SUGCT: variants seen among roughly 807,000 people sequenced by gnomAD.
SUGCT encodes succinyl-CoA:glutarate-CoA transferase.
A neutral mutation model predicts 55.0 loss-of-function variants in SUGCT; 41 were observed. The ratio of observed to expected loss-of-function variants is 0.74; its 90% CI spans 0.58 to 0.97. The LOEUF is 0.97. Among genes scored for constraint, SUGCT ranks in the 50% least tolerant of loss-of-function variants. SUGCT has a pLI of 0.00. For missense variants in SUGCT, 568 were observed against 547.8 expected, an observed-to-expected ratio of 1.04 and a Z score of -0.37; for synonymous variants, 187 against 200.4, an observed-to-expected ratio of 0.93 and a Z score of 0.56.
intron 8 of SUGCT, among the ~76,000 whole-genome samples, chr7:40,284,811 C>G (rs574284984): frequency 2.0e-5 from 3 of 151,826 alleles, no homozygotes; most frequent in African/African-American, 7.2e-5. Context: ...TAAAGACAAA[C>G]CAAAAAAGGA....
chr7:40,595,617 C>A (rs1797972724), intron 12 of SUGCT, among the ~76,000 whole-genome samples: 1 of 150,338 alleles, frequency 6.7e-6, no homozygotes, highest in East Asian at 1.9e-4. Flanking sequence ...TCTCTCCTTT[C>A]TTTTTTCTTT....
At chr7:40,607,700 C>G (rs962817400) in intron 12 of SUGCT, among the ~76,000 whole-genome samples, 2 of 152,134 alleles carry the variant, frequency 1.3e-5, no homozygotes, top group Non-Finnish European at 2.9e-5. Context: ...GTAGCTAAGA[C>G]TTGTTGAGTG....
chr7:40,710,908 G>C (rs1221769001), intron 12 of SUGCT, among the ~76,000 whole-genome samples: 1 of 152,198 alleles, frequency 6.6e-6, no homozygotes, highest in Admixed American at 6.5e-5. Flanking sequence ...TTTAGAGTGT[G>C]AAATGCAGCC....
intron 1 of SUGCT, among the ~76,000 whole-genome samples, chr7:40,164,013 G>T (rs1437210950): frequency 4.6e-5 from 7 of 151,762 alleles, no homozygotes; most frequent in African/African-American, 1.5e-4. Flanking sequence ...TAGAGATGGG[G>T]TTTCACTAGT....
chr7:40,420,845 C>A (rs1787270870), intron 9 of SUGCT, among the ~76,000 whole-genome samples: 1 of 152,036 alleles, frequency 6.6e-6, no homozygotes, highest in African/African-American at 2.4e-5. Context: ...TATATATATA[C>A]TTTCTTGAAG....
At chr7:40,730,442 A>G (rs1562968229) in intron 12 of SUGCT, among the ~76,000 whole-genome samples, 1 of 152,192 alleles carries the variant, frequency 6.6e-6, no homozygotes, top group South Asian at 2.1e-4. Flanking sequence ...ATAATGATAT[A>G]TATTTCTCAC....
chr7:40,569,201 A>T (rs779275987), intron 12 of SUGCT, among the ~76,000 whole-genome samples: 1 of 152,158 alleles, frequency 6.6e-6, no homozygotes, highest in Non-Finnish European at 1.5e-5. Flanking sequence ...GGGATTTTAG[A>T]TCTTAAGAAG....
intron 9 of SUGCT, among the ~76,000 whole-genome samples, chr7:40,392,027 T>C (rs1437776378): frequency 6.6e-6 from 1 of 152,078 alleles, no homozygotes; most frequent in African/African-American, 2.4e-5. Context: ...AGCAAACTAT[T>C]GCAAGGACAG....
intron 12 of SUGCT, among the ~76,000 whole-genome samples, chr7:40,606,430 G>A (rs1798539579): frequency 6.6e-6 from 1 of 152,196 alleles, no homozygotes; most frequent in Non-Finnish European, 1.5e-5. Context: ...AGCTCAGAGA[G>A]AGAAAATGCA....
At chr7:40,323,945 C>G (rs1320182562) in intron 9 of SUGCT, among the ~76,000 whole-genome samples, 1 of 151,992 alleles carries the variant, frequency 6.6e-6, no homozygotes, top group Non-Finnish European at 1.5e-5. Context: ...TCTGAGATGA[C>G]TACCTCACAT....
chr7:40,771,427 AT>A (rs942779235), intron 13 of SUGCT, among the ~76,000 whole-genome samples: 1 of 151,844 alleles, frequency 6.6e-6, no homozygotes, highest in Non-Finnish European at 1.5e-5. Flanking sequence ...ATTTTCTAGC[AT>A]TTTTTTTCTA....
At chr7:40,622,175 G>A (rs144356534) in intron 12 of SUGCT, among the ~76,000 whole-genome samples, 220 of 152,322 alleles carry the variant, frequency 1.4e-3, no homozygotes, top group African/African-American at 5.0e-3. Context: ...TGTCCCATGT[G>A]CTCATGAGAC....
At chr7:40,180,143 G>T (rs1185063363) in intron 1 of SUGCT, among the ~76,000 whole-genome samples, 218 of 141,038 alleles carry the variant, frequency 1.5e-3, no homozygotes, top group African/African-American at 4.8e-3. Flanking sequence ...TTTTTTTTTT[G>T]AGACGGTGTC....
At chr7:40,199,151 G>T (rs1245810842) in intron 6 of SUGCT, among the ~76,000 whole-genome samples, 1 of 151,998 alleles carries the variant, frequency 6.6e-6, no homozygotes, top group Middle Eastern at 3.2e-3. Context: ...TCTTGTCAGT[G>T]CTGTCCAAGC....
At chr7:40,316,407 G>C (rs1402986685) in intron 8 of SUGCT, among the ~76,000 whole-genome samples, 1 of 152,058 alleles carries the variant, frequency 6.6e-6, no homozygotes, top group African/African-American at 2.4e-5. Context: ...TACATGCAGA[G>C]GGGAAAAAAA....
chr7:40,548,664 C>A (rs1795141103), intron 12 of SUGCT, among the ~76,000 whole-genome samples: 1 of 152,084 alleles, frequency 6.6e-6, no homozygotes, highest in African/African-American at 2.4e-5. Flanking sequence ...ATCAGTGAAC[C>A]TACATTGACC....
chr7:40,257,538 G>A (rs1369164645), intron 7 of SUGCT, among the ~76,000 whole-genome samples: 2 of 152,118 alleles, frequency 1.3e-5, no homozygotes, highest in South Asian at 2.1e-4. Context: ...AAAGACTAAA[G>A]TAAATGTTAA....
rs147219795 is a variant in SUGCT, at chr7:40,210,798, G to A, written c.484+15738G>A. Among the ~76,000 whole-genome samples the A allele has an allele frequency of 2.5e-3, 383 of 152,234 alleles. 2 individuals carry two copies. Among genetic ancestry groups the A allele is most frequent in the Non-Finnish European group, 4.5e-3 (309 of 68,012 alleles). On this transcript the variant is annotated intron_variant, in intron 6 of 13. Coordinates refer to ENST00000335693, the MANE Select transcript of SUGCT (RefSeq NM_001193313.2). ...TGACAGGGTGAGTGCTTTGGCGGGAGTCAGGGCAAAGCAGGTAGCAGATAA... is the reference window on the plus strand; with the variant it reads ...TGACAGGGTGAGTGCTTTGGCGGGAATCAGGGCAAAGCAGGTAGCAGATAA...
At chr7:40,936,620 T>C in the SUGCT span, among the ~76,000 whole-genome samples, 1 of 151,860 alleles carries the variant, frequency 6.6e-6, no homozygotes, top group East Asian at 1.9e-4. Flanking sequence ...CTAATCTGTA[T>C]TATTTTCTTA....
Sources: allele counts gnomAD v4.1 joint callset (sites outside exome capture counted in the v4.1 genomes callset), GRCh38; gene constraint gnomAD v4.1.1; transcripts MANE v1.5; gene names NCBI Gene and HGNC (gene_info 2026-07-23, HGNC 2026-07-21).